Variants in KCNH7 observed in about 807,000 individuals in gnomAD.
The protein encoded by KCNH7 is voltage-gated inwardly rectifying potassium channel KCNH7.
KCNH7 carries 49 observed loss-of-function variants against 120.8 expected under a neutral mutation model. The ratio of observed to expected loss-of-function variants is 0.41; its 90% CI spans 0.32 to 0.51. The LOEUF (loss-of-function observed/expected upper bound fraction) is 0.51. KCNH7 is among the 20% of genes least tolerant of loss of function. The probability of loss-of-function intolerance (pLI) is 0.38; values close to 1 mark genes in which losing one functional copy is unlikely to be tolerated. For missense variants in KCNH7, 1,097 were observed against 1,446.6 expected (o/e 0.76, Z 3.92); for synonymous variants, 547 against 516.1 (o/e 1.06, Z -0.81).
At chr2:162,748,678 T>C (rs1688399978) in intron 2 of KCNH7, among the ~76,000 whole-genome samples, 1 of 152,190 alleles carries the variant, frequency 6.6e-6, no homozygotes, top group Admixed American at 6.5e-5. Flanking sequence ...TGATATTAGT[T>C]TACAAGTTGC....
At chr2:162,745,455 A>G (rs899808167) in intron 2 of KCNH7, among the ~76,000 whole-genome samples, 5 of 152,202 alleles carry the variant, frequency 3.3e-5, no homozygotes, top group African/African-American at 1.2e-4. Context: ...AGTATCTAGG[A>G]AGTGATGTAG....
intron 8 of KCNH7, among the ~76,000 whole-genome samples, chr2:162,426,212 T>TA (rs1268032004): frequency 7.3e-6 from 1 of 137,724 alleles, no homozygotes; most frequent in East Asian, 2.0e-4. Flanking sequence ...AGACCCTATC[T>TA]TTAAAAAAAA....
intron 3 of KCNH7, 43 bp downstream of exon 3, chr2:162,536,882 C>G: frequency 6.5e-7 from 1 of 1,533,470 alleles, no homozygotes; most frequent in Non-Finnish European, 9.0e-7. Flanking sequence ...ACTACAGTAG[C>G]AGAATTATCA....
intron 8 of KCNH7, among the ~76,000 whole-genome samples, chr2:162,430,112 T>C (rs1688016703): frequency 6.6e-6 from 1 of 151,986 alleles, no homozygotes; most frequent in Non-Finnish European, 1.5e-5. Context: ...TTGTTCCTTT[T>C]GAAGCTTGCT....
intron 2 of KCNH7, among the ~76,000 whole-genome samples, chr2:162,703,660 G>C (rs1252314419): frequency 1.3e-5 from 2 of 152,096 alleles, no homozygotes; most frequent in East Asian, 1.9e-4. Flanking sequence ...AAGGGGGAAG[G>C]AATTTTAAAA....
At chr2:162,414,968 TC>T (rs1273862437) in intron 9 of KCNH7, among the ~76,000 whole-genome samples, 2 of 152,078 alleles carry the variant, frequency 1.3e-5, no homozygotes, top group East Asian at 3.9e-4. Context: ...CTATCCAGAC[TC>T]TAGAGTCCCA....
chr2:162,537,473 A>C (rs999637158), intron 2 of KCNH7, among the ~76,000 whole-genome samples: 2 of 152,074 alleles, frequency 1.3e-5, no homozygotes, highest in African/African-American at 4.8e-5. Context: ...TAAAAAATGA[A>C]GGCAACTCAT....
chr2:162,530,593 T>C (rs954632592), intron 3 of KCNH7, among the ~76,000 whole-genome samples: 3 of 152,070 alleles, frequency 2.0e-5, no homozygotes, highest in South Asian at 4.1e-4. Context: ...TTTGTAACCA[T>C]ATTTTTATTT....
chr2:162,473,312 T>G (rs767907632), intron 6 of KCNH7, among the ~76,000 whole-genome samples: 1 of 152,002 alleles, frequency 6.6e-6, no homozygotes, highest in Non-Finnish European at 1.5e-5. Flanking sequence ...GGAGTTTGGC[T>G]TGGGAGTGAA....
At chr2:162,413,220 C>T (rs1233696888) in intron 9 of KCNH7, among the ~76,000 whole-genome samples, 2 of 152,112 alleles carry the variant, frequency 1.3e-5, no homozygotes, top group African/African-American at 4.8e-5. Context: ...CCTCCACCTC[C>T]TGGCTTCAGG....
intron 2 of KCNH7, among the ~76,000 whole-genome samples, chr2:162,557,336 T>G (rs1692891958): frequency 6.6e-6 from 1 of 152,190 alleles, no homozygotes; most frequent in East Asian, 1.9e-4. Context: ...GGCGTTCAAT[T>G]GCAAACTTTC....
intron 6 of KCNH7, among the ~76,000 whole-genome samples, chr2:162,475,399 T>C (rs926856436): frequency 8.5e-5 from 13 of 152,192 alleles, no homozygotes; most frequent in African/African-American, 3.1e-4. Context: ...CTATGCCAAA[T>C]AGCGTGGCAT....
intron 11 of KCNH7, 148 bp from the exon 12 acceptor site, chr2:162,394,633 T>A (rs1686851127): frequency 1.7e-6 from 1 of 591,632 alleles, no homozygotes. Flanking sequence ...AATACCTTGC[T>A]TAATACTTGT....
rs192190143 is a variant in KCNH7 at position 162,432,778 on chromosome 2, C to T, written c.1954+2420G>A. Among the ~76,000 whole-genome samples the T allele has an allele frequency of 3.7e-3, 567 of 152,130 alleles. 5 individuals carry two copies. The highest frequency in any genetic ancestry group is 0.013 in the African/African-American group (547 of 41,526). On this transcript the variant is annotated intron_variant, in intron 8 of 15. Transcript: ENST00000332142. ...ACAAGGATGCCCACTCTCACTACTCCTATTCAACTTAGCACTGGAAGTCCT... is the reference window on the plus strand; with the variant it reads ...ACAAGGATGCCCACTCTCACTACTCTTATTCAACTTAGCACTGGAAGTCCT...
intron 2 of KCNH7, among the ~76,000 whole-genome samples, chr2:162,547,158 A>T (rs1029586221): frequency 1.1e-4 from 17 of 152,108 alleles, no homozygotes; most frequent in African/African-American, 3.6e-4. Context: ...CATTTATAAA[A>T]CCATCAGATC....
In KCNH7 at chr2:162,379,985, G is replaced by T; in HGVS notation, c.2999C>A (p.Ala1000Glu). Reference sequence around the variant, plus strand: ...ACTGGAGTCTTCAGGCTGGGGATGTGCATTTTCTCGTTCCCAGCTTCGCAT... The same window carrying T: ...ACTGGAGTCTTCAGGCTGGGGATGTTCATTTTCTCGTTCCCAGCTTCGCAT... ...TDMRSWERENAHPQPEDSSPS... is the reference protein window; with the variant it reads ...TDMRSWERENEHPQPEDSSPS... The change falls in exon 14 of 16, where the codon GCA becomes GAA. Residue 1000 changes from alanine (A) to glutamate (E), a missense_variant. Physicochemically the swap from Ala to Glu is moderately radical, Grantham distance 107. Coordinates refer to ENST00000332142, the MANE Select transcript of KCNH7 (RefSeq NM_033272.4). The T allele has an allele frequency of 6.2e-7, 1 of 1,614,006 alleles. No individual in the cohort carries two copies. Among genetic ancestry groups the T allele is most frequent in the Non-Finnish European group, 8.5e-7 (1 of 1,179,922 alleles).
At chr2:162,481,954 TATCTATCTATC>T (rs1186276571) in intron 6 of KCNH7, among the ~76,000 whole-genome samples, 3 of 145,154 alleles carry the variant, frequency 2.1e-5, no homozygotes, top group Non-Finnish European at 4.4e-5. Flanking sequence ...ACAGGTTATC[TATCTATCTATC>T]ATCTATCTAT....
intron 2 of KCNH7, among the ~76,000 whole-genome samples, chr2:162,730,372 T>C (rs1027030593): frequency 1.3e-5 from 2 of 150,812 alleles, no homozygotes; most frequent in African/African-American, 4.9e-5. Flanking sequence ...TACTTTGTTA[T>C]GAAACTGCAT....
chr2:162,656,470 G>C (rs1247381566), intron 2 of KCNH7, among the ~76,000 whole-genome samples: 1 of 152,074 alleles, frequency 6.6e-6, no homozygotes, highest in Non-Finnish European at 1.5e-5. Flanking sequence ...TTTTTTGTAA[G>C]AAAATAAATC....
Sources: gnomAD v4.1 joint callset for allele counts (sites outside exome capture counted in the v4.1 genomes callset) on GRCh38, gnomAD v4.1.1 for gene constraint, MANE v1.5 for transcripts, NCBI Gene and HGNC (gene_info 2026-07-23, HGNC 2026-07-21) for gene names.